The following CUX2 variants were observed in gnomAD, a reference collection of about 807,000 sequenced individuals.
CUX2 encodes the protein homeobox protein cut-like 2.
A neutral mutation model predicts 144.8 loss-of-function variants in CUX2; 40 were observed. That is an observed-to-expected ratio of 0.28 (90% confidence interval 0.21 to 0.36). CUX2 has a LOEUF of 0.36. Ranked by LOEUF, CUX2 falls within the 10% of genes least tolerant of loss-of-function variation. The pLI, the probability that CUX2 is intolerant of heterozygous loss-of-function variation, is 1.00. For missense variants in CUX2, 1,615 were observed against 1,994.0 expected, an observed-to-expected ratio of 0.81 and a Z score of 3.62; for synonymous variants, 827 against 875.6, an observed-to-expected ratio of 0.94 and a Z score of 0.98.
intron 1 of CUX2, among the ~76,000 whole-genome samples, chr12:111,121,294 G>A (rs868217543): frequency 6.6e-6 from 1 of 150,942 alleles, no homozygotes; most frequent in Non-Finnish European, 1.5e-5. Context: ...TTAAACATGA[G>A]CATGGAACTT....
chr12:111,222,795 G>A (rs7971185), intron 3 of CUX2, among the ~76,000 whole-genome samples: 1 of 151,962 alleles, frequency 6.6e-6, no homozygotes, highest in Non-Finnish European at 1.5e-5. Context: ...GACTGAGAAC[G>A]TTCTCCCTCT....
rs887967205 is a variant in CUX2, at chr12:111,035,840, A to G, written c.63+1600A>G. Among the ~76,000 whole-genome samples the G allele has an allele frequency of 4.0e-5, 6 of 151,886 alleles. No individual in the cohort carries two copies. The highest frequency in any genetic ancestry group is 1.5e-4 in the African/African-American group (6 of 41,314). On this transcript the variant is annotated intron_variant, in intron 1 of 21. Transcript: ENST00000261726. This position sits in a 1 kb window ranked among gnomAD's most constrained non-coding sequence, Gnocchi z 6.0. ...GAGTGCCTTGCAATTCCGGGTCCGC[A>G]CTCGAGTTGGGGCTACAGTTTGGTG...
chr12:111,310,223 T>A lies in CUX2; in HGVS notation c.1441T>A (p.Phe481Ile). The change falls in exon 15 of 22, where the codon TTC becomes ATC. Residue 481 changes from phenylalanine to isoleucine, a missense_variant. Physicochemically the swap from Phe to Ile is conservative, Grantham distance 21 (BLOSUM62 0). Transcript: ENST00000261726. This position sits in a 1 kb window ranked among gnomAD's most constrained non-coding sequence, Gnocchi z 7.9. ...DGTRTFSLSP[F>I]PSLASGERLM... ...CACTCGGACTTTCTCGCTGTCCCCC[T>A]TCCCCAGCCTGGCATCAGGGGAGAG... The A allele has an allele frequency of 6.6e-7, 1 of 1,510,670 alleles. No individual in the cohort carries two copies. Among genetic ancestry groups the A allele is most frequent in the Non-Finnish European group, 8.9e-7 (1 of 1,129,762 alleles). 93.6% of individuals were successfully genotyped at this position (1,510,670 alleles called of 1,614,324 possible).
intron 3 of CUX2, among the ~76,000 whole-genome samples, chr12:111,250,042 G>A (rs918238710): frequency 4.6e-5 from 7 of 152,060 alleles, no homozygotes; most frequent in Admixed American, 2.6e-4. Context: ...CACATAGGAC[G>A]GTGTCACTGC....
At chr12:111,298,718 C>T (rs1166252420) in intron 9 of CUX2, 129 bp downstream of exon 9, 2 of 1,030,324 alleles carry the variant, frequency 1.9e-6, no homozygotes, top group Middle Eastern at 2.0e-4. Flanking sequence ...CTTGTGCATG[C>T]CAAGTGAGGG....
chr12:111,150,976 T>G (rs1877014921), intron 1 of CUX2, among the ~76,000 whole-genome samples: 1 of 152,234 alleles, frequency 6.6e-6, no homozygotes, highest in African/African-American at 2.4e-5. Flanking sequence ...TCAAACGTTT[T>G]AAAGTTTTCA....
intron 1 of CUX2, among the ~76,000 whole-genome samples, chr12:111,149,144 G>C (rs949511985): frequency 6.6e-6 from 1 of 152,220 alleles, no homozygotes; most frequent in Non-Finnish European, 1.5e-5. Flanking sequence ...CAGGGTGTCT[G>C]TGTCTAAGAC....
intron 10 of CUX2, among the ~76,000 whole-genome samples, chr12:111,306,322 T>G (rs1399087814): frequency 4.1e-5 from 5 of 121,114 alleles, no homozygotes; most frequent in East Asian, 6.7e-4. Flanking sequence ...TTTTTGTTTG[T>G]TTGGTTTTTT....
In CUX2 at chr12:111,056,420, C is replaced by T. The variant is rs1037083144; in HGVS notation, c.63+22180C>T. 4.6e-5 allele frequency among the ~76,000 whole-genome samples: 7 copies of T among 152,212 alleles called. No individual in the cohort carries two copies. The East Asian group carries it at 1.3e-3, about 29-fold the overall frequency. On this transcript the variant is annotated intron_variant, in intron 1 of 21. Transcript: ENST00000261726. ...AACATTTGCGGGTAATTTGACAACTCCCACATCTGGCAATTGATGCTGGCT... is the reference window on the plus strand; with the variant it reads ...AACATTTGCGGGTAATTTGACAACTTCCACATCTGGCAATTGATGCTGGCT...
intron 4 of CUX2, among the ~76,000 whole-genome samples, chr12:111,268,349 C>A (rs1025170493): frequency 6.6e-6 from 1 of 152,188 alleles, no homozygotes; most frequent in African/African-American, 2.4e-5. Context: ...CTCAGCCTCC[C>A]GAATGGCTGG....
At chr12:111,063,960 C>T (rs1440746915) in intron 1 of CUX2, among the ~76,000 whole-genome samples, 2 of 152,148 alleles carry the variant, frequency 1.3e-5, no homozygotes, top group Non-Finnish European at 2.9e-5. Context: ...GACATGCACC[C>T]GGCAAGGTGG....
chr12:111,253,352 C>T (rs1194459903), intron 3 of CUX2, among the ~76,000 whole-genome samples: 1 of 151,442 alleles, frequency 6.6e-6, no homozygotes, highest in Admixed American at 6.6e-5. Context: ...TCTACCATCT[C>T]CCGCCACACC....
At chr12:111,336,893 G>A (rs191951458) in intron 19 of CUX2, among the ~76,000 whole-genome samples, 1 of 151,864 alleles carries the variant, frequency 6.6e-6, no homozygotes, top group African/African-American at 2.4e-5. Flanking sequence ...ATGAACACTA[G>A]GCTGGGTGTA....
chr12:111,229,349 G>A (rs1479904073), intron 3 of CUX2, among the ~76,000 whole-genome samples: 4 of 152,180 alleles, frequency 2.6e-5, no homozygotes, highest in Non-Finnish European at 2.9e-5. Context: ...AGATGTGGGT[G>A]TCCTCTCTGA....
chr12:111,166,851 C>T (rs1377143910), intron 1 of CUX2, among the ~76,000 whole-genome samples: 1 of 152,134 alleles, frequency 6.6e-6, no homozygotes, highest in African/African-American at 2.4e-5. Flanking sequence ...GGACGCGTGC[C>T]GGCCGCATTC....
chr12:111,046,726 G>C (rs905221637), intron 1 of CUX2, among the ~76,000 whole-genome samples: 1 of 151,978 alleles, frequency 6.6e-6, no homozygotes, highest in Non-Finnish European at 1.5e-5. Flanking sequence ...GCGCAATCTC[G>C]GCTTACTGCA....
intron 16 of CUX2, among the ~76,000 whole-genome samples, chr12:111,314,793 G>A (rs1053558986): frequency 2.2e-4 from 33 of 151,898 alleles, no homozygotes; most frequent in African/African-American, 6.5e-4. Flanking sequence ...GTAGTGAGCC[G>A]AGATCTCATC....
At chr12:111,110,856 G>A (rs949735436) in intron 1 of CUX2, among the ~76,000 whole-genome samples, 4 of 152,202 alleles carry the variant, frequency 2.6e-5, no homozygotes, top group African/African-American at 4.8e-5. Flanking sequence ...GAACCCACAC[G>A]TTCAAAGGAC....
chr12:111,244,324 C>T (rs977360360), intron 3 of CUX2, among the ~76,000 whole-genome samples: 1 of 152,174 alleles, frequency 6.6e-6, no homozygotes, highest in Non-Finnish European at 1.5e-5. Flanking sequence ...GGGACCTCAC[C>T]CCTAGTGGGG....
Sources: gnomAD v4.1 joint callset for allele counts (sites outside exome capture counted in the v4.1 genomes callset) on GRCh38, gnomAD v4.1.1 for gene constraint, Gnocchi (gnomAD v3.1) non-coding constraint, MANE v1.5 for transcripts, NCBI Gene and HGNC (gene_info 2026-07-23, HGNC 2026-07-21) for gene names.